HMGA2: variants seen among roughly 807,000 people sequenced by gnomAD.
HMGA2 encodes the protein high mobility group protein HMGI-C.
HMGA2 carries 8 observed loss-of-function variants against 19.1 expected under a neutral mutation model. That is an observed-to-expected ratio of 0.42 (90% confidence interval 0.25 to 0.76). The LOEUF is 0.76. Ranked by LOEUF, HMGA2 falls within the 30% of genes least tolerant of loss-of-function variation. The probability of loss-of-function intolerance (pLI) is 0.28; values close to 1 mark genes in which losing one functional copy is unlikely to be tolerated. For missense variants in HMGA2, 109 were observed against 136.3 expected (o/e 0.80, Z 1.00); for synonymous variants, 60 against 48.8 (o/e 1.23, Z -0.96).
chr12:65,850,220 C>T (rs540638995), intron 3 of HMGA2, among the ~76,000 whole-genome samples: 33 of 152,232 alleles, frequency 2.2e-4, no homozygotes, highest in South Asian at 1.0e-3. Context: ...TAGTCCCCCT[C>T]GCTATTAAAT....
chr12:65,923,945 G>A (rs1457854245), intron 3 of HMGA2, among the ~76,000 whole-genome samples: 1 of 152,176 alleles, frequency 6.6e-6, no homozygotes, highest in Non-Finnish European at 1.5e-5. Flanking sequence ...GCGGGGCGGA[G>A]GTTGCAGTGA....
At chr12:65,851,714 G>A in intron 3 of HMGA2, 1 of 394,410 alleles carries the variant, frequency 2.5e-6, no homozygotes, top group Middle Eastern at 3.6e-4. Flanking sequence ...AAAATATGTT[G>A]TCAGCTTTCC....
At chr12:65,906,153 T>C (rs1006343099) in intron 3 of HMGA2, among the ~76,000 whole-genome samples, 17 of 152,210 alleles carry the variant, frequency 1.1e-4, no homozygotes, top group African/African-American at 3.9e-4. Context: ...GAAGTCCTAA[T>C]TCTCTTTTGC....
intron 3 of HMGA2, among the ~76,000 whole-genome samples, chr12:65,880,615 C>G (rs1357057577): frequency 6.6e-6 from 1 of 152,278 alleles, no homozygotes; most frequent in South Asian, 2.1e-4. Flanking sequence ...GTTAGAAGTA[C>G]TAGTTCAGTG....
At chr12:65,837,460 T>C (rs1450485245) in intron 2 of HMGA2, among the ~76,000 whole-genome samples, 2 of 152,210 alleles carry the variant, frequency 1.3e-5, no homozygotes, top group Non-Finnish European at 2.9e-5. Flanking sequence ...CACCGGCTGC[T>C]AACTCAGATA....
At chr12:65,899,984 C>A (rs977411647) in intron 3 of HMGA2, among the ~76,000 whole-genome samples, 4 of 152,280 alleles carry the variant, frequency 2.6e-5, no homozygotes, top group Admixed American at 6.5e-5. Flanking sequence ...AGGAGGGAAA[C>A]CTTTCGTCTC....
At chr12:65,914,920 C>A (rs750590639) in intron 3 of HMGA2, 6 of 1,138,884 alleles carry the variant, frequency 5.3e-6, no homozygotes, top group African/African-American at 4.6e-5. Flanking sequence ...GGTGAGCCAC[C>A]CACCTTGGCC....
At chr12:65,923,071 G>A (rs1022244013) in intron 3 of HMGA2, among the ~76,000 whole-genome samples, 3 of 152,016 alleles carry the variant, frequency 2.0e-5, no homozygotes, top group East Asian at 1.9e-4. Context: ...ACCAACCTTG[G>A]GAAACTTCAT....
At chr12:65,947,546 A>T (rs186482662) in intron 3 of HMGA2, among the ~76,000 whole-genome samples, 2 of 152,332 alleles carry the variant, frequency 1.3e-5, no homozygotes, top group East Asian at 3.9e-4. Flanking sequence ...CAACCATGGA[A>T]TGAGGATTTT....
intron 3 of HMGA2, chr12:65,934,865 AGCAGGTGTTACCCT>A (rs1174292706): frequency 6.6e-6 from 1 of 152,220 alleles, no homozygotes; most frequent in Non-Finnish European, 1.5e-5. Flanking sequence ...GTGGCAGCCA[AGCAGGTGTTACCCT>A]GCAGGACTTA....
chr12:65,857,258 A>C (rs545410736), intron 3 of HMGA2: 1 of 152,288 alleles, frequency 6.6e-6, no homozygotes, highest in African/African-American at 2.4e-5. Flanking sequence ...AGACCTGAAA[A>C]CACCTAATTT....
chr12:65,827,615 G>T (rs1329389427), intron 1 of HMGA2, among the ~76,000 whole-genome samples: 1 of 152,200 alleles, frequency 6.6e-6, no homozygotes, highest in Non-Finnish European at 1.5e-5. Context: ...TGTTTGAAAT[G>T]CTAGTATAAT....
chr12:65,951,184 C>T (rs763772536), intron 3 of HMGA2, among the ~76,000 whole-genome samples, 199 bp from the exon 4 acceptor site: 10 of 152,184 alleles, frequency 6.6e-5, no homozygotes, highest in Admixed American at 2.0e-4. Context: ...CCGCCTCTGC[C>T]TCCCAAAGCG....
intron 3 of HMGA2, among the ~76,000 whole-genome samples, chr12:65,852,815 G>T (rs1403253763): frequency 6.6e-6 from 1 of 152,168 alleles, no homozygotes; most frequent in Admixed American, 6.5e-5. Flanking sequence ...AGTGCCACAT[G>T]ATCTATGTGG....
chr12:65,953,373 T>A (rs1211966417), intron 4 of HMGA2: 2 of 152,146 alleles, frequency 1.3e-5, no homozygotes, highest in Non-Finnish European at 2.9e-5. Context: ...AAGACTGGAA[T>A]TTTCTTGTTT....
At chr12:65,893,368 C>T (rs540701716) in intron 3 of HMGA2, among the ~76,000 whole-genome samples, 1 of 152,142 alleles carries the variant, frequency 6.6e-6, no homozygotes, top group Admixed American at 6.5e-5. Context: ...TGGATACATG[C>T]GAAAAGAACA....
At chr12:65,843,010 C>A in intron 3 of HMGA2, 1 of 370,656 alleles carries the variant, frequency 2.7e-6, no homozygotes, top group African/African-American at 2.1e-5. Context: ...AAGACTACAT[C>A]AATGGGAACA....
chr12:65,892,438 G>A (rs1266909293), intron 3 of HMGA2, among the ~76,000 whole-genome samples: 1 of 152,154 alleles, frequency 6.6e-6, no homozygotes, highest in Non-Finnish European at 1.5e-5. Context: ...TTCTATTAGG[G>A]ATGCTTTGAA....
At chr12:65,856,103 T>A (rs1004516194) in intron 3 of HMGA2, 4 of 152,218 alleles carry the variant, frequency 2.6e-5, no homozygotes, top group African/African-American at 9.6e-5. Context: ...ATGCTGCTGT[T>A]GCTTCCATAG....
Sources: allele counts gnomAD v4.1 joint callset (sites outside exome capture counted in the v4.1 genomes callset), GRCh38; gene constraint gnomAD v4.1.1; transcripts MANE v1.5; gene names NCBI Gene and HGNC (gene_info 2026-07-23, HGNC 2026-07-21).